MINK1: variants seen among roughly 807,000 people sequenced by gnomAD.
MINK1 encodes the protein misshapen-like kinase 1.
MINK1 carries 46 observed loss-of-function variants against 178.4 expected under a neutral mutation model. The ratio of observed to expected loss-of-function variants is 0.26; its 90% CI spans 0.20 to 0.33. The LOEUF (loss-of-function observed/expected upper bound fraction) is 0.33. Ranked by LOEUF, MINK1 falls within the 10% of genes least tolerant of loss-of-function variation. MINK1 has a pLI of 1.00. For missense variants in MINK1, 1,366 were observed against 1,814.9 expected, an observed-to-expected ratio of 0.75 and a Z score of 4.49; for synonymous variants, 797 against 709.7, an observed-to-expected ratio of 1.12 and a Z score of -1.96.
chr17:4,890,200 C>CCCCCCCCA, intron 13 of MINK1: 1 of 802,212 alleles, frequency 1.2e-6, no homozygotes, highest in Non-Finnish European at 1.7e-6. Flanking sequence ...CTCTGCCCCC[C>CCCCCCCCA]ACCCCACACC....
rs1013464350 is a variant in MINK1 at position 4,893,229 on chromosome 17, C to G, written c.2400+162C>G. 2.4e-5 allele frequency: 38 copies of G among 1,607,510 alleles called. No individual in the cohort carries two copies. The Admixed American group carries it at 4.0e-4, about 17-fold the overall frequency. The stretch of plus-strand genomic sequence containing the variant: ...GGTGCTAACCTTTCCTAACCTCTCT[C>G]CTAACCTCTCTCCTAACCTCTCTTC... On this transcript the variant is annotated intron_variant, in intron 20 of 31. Coordinates refer to ENST00000355280, the MANE Select transcript of MINK1 (RefSeq NM_153827.5).
chr17:4,865,905 C>T (rs1233010572), intron 1 of MINK1, among the ~76,000 whole-genome samples: 1 of 151,572 alleles, frequency 6.6e-6, no homozygotes, highest in Non-Finnish European at 1.5e-5. Flanking sequence ...AAAAAAGAAA[C>T]GATACATGGG....
At chr17:4,867,074 A>AAATAACAATAATAATAAT (rs1915100187) in intron 1 of MINK1, among the ~76,000 whole-genome samples, 1 of 119,966 alleles carries the variant, frequency 8.3e-6, no homozygotes, top group South Asian at 2.8e-4. Context: ...ACTCGTCTCA[A>AAATAACAATAATAATAAT]AATAATAATA....
chr17:4,880,465 T>A (rs1354957815), intron 2 of MINK1, among the ~76,000 whole-genome samples: 1 of 150,634 alleles, frequency 6.6e-6, no homozygotes, highest in East Asian at 2.0e-4. Flanking sequence ...TTTTGTATTT[T>A]TAGTGGAGAT....
Position 4,895,563 on chromosome 17 carries a change from G to C in MINK1, c.3229+70G>C. Reference sequence around the variant, plus strand: ...TGGCGCTGTCACCATCTTCTGCCTGGGAGGAGGGCAGGCACTGGAAGGTGG... The same window carrying C: ...TGGCGCTGTCACCATCTTCTGCCTGCGAGGAGGGCAGGCACTGGAAGGTGG... On this transcript the variant is annotated intron_variant, in intron 26 of 31. Transcript: ENST00000355280. The surrounding 1 kb of genome is among the most constrained non-coding windows in gnomAD (Gnocchi z 4.3). 6.5e-7 allele frequency: 1 copy of C among 1,549,776 alleles called. No individual in the cohort carries two copies. Among genetic ancestry groups the C allele is most frequent in the East Asian group, 2.3e-5 (1 of 44,010 alleles).
rs1339867933 is a variant in MINK1 at position 4,896,725 on chromosome 17, T to G, written c.3827T>G (p.Ile1276Ser). The change falls in exon 31 of 32, where the codon ATC (isoleucine) becomes AGC (serine). Residue 1276 changes from isoleucine (I) to serine (S), a missense_variant. Physicochemically the swap from Ile to Ser is moderately radical, Grantham distance 142. Transcript: ENST00000355280. This position sits in a 1 kb window ranked among gnomAD's most constrained non-coding sequence, Gnocchi z 4.6. ...IMGWGEKAIE[I>S]RSVETGHLDG... Reference sequence around the variant, plus strand: ...GGCTGGGGTGAGAAAGCCATTGAGATCCGCTCTGTGGAGACGGGCCACCTC... The same window carrying G: ...GGCTGGGGTGAGAAAGCCATTGAGAGCCGCTCTGTGGAGACGGGCCACCTC... The G allele has an allele frequency of 6.2e-7, 1 of 1,604,280 alleles. No homozygotes were observed. The highest frequency in any genetic ancestry group is 1.7e-5 in the Admixed American group (1 of 59,176).
At chr17:4,855,190 T>TAA (rs151257228) in intron 1 of MINK1, among the ~76,000 whole-genome samples, 56,439 of 129,800 alleles carry the variant, frequency 0.43, 13,894 homozygotes, top group Non-Finnish European at 0.58. Flanking sequence ...ACTCCTGTCT[T>TAA]AAAAAAAAAA....
chr17:4,841,377 G>A (rs188986706), intron 1 of MINK1, among the ~76,000 whole-genome samples: 254 of 152,192 alleles, frequency 1.7e-3, no homozygotes, highest in Non-Finnish European at 2.9e-3. Context: ...TTGGGTTGCC[G>A]AATTGCTCCT....
chr17:4,888,477 A>G (rs2151026053), intron 12 of MINK1, among the ~76,000 whole-genome samples: 1 of 151,606 alleles, frequency 6.6e-6, no homozygotes, highest in East Asian at 2.0e-4. Flanking sequence ...CTCTACTAAA[A>G]ATACACAAAT....
At chr17:4,849,322 C>T (rs1911553325) in intron 1 of MINK1, among the ~76,000 whole-genome samples, 1 of 152,184 alleles carries the variant, frequency 6.6e-6, no homozygotes, top group African/African-American at 2.4e-5. Context: ...AAGCATTCAG[C>T]CTGAGGGGAA....
chr17:4,893,171 G>A, intron 20 of MINK1, 104 bp downstream of exon 20: 1 of 1,519,096 alleles, frequency 6.6e-7, no homozygotes. Context: ...TACCGAGAAG[G>A]GCTGTGGGGA....
Position 4,897,563 on chromosome 17 carries a change from TC to T in MINK1, c.*282del. 1 of 393,794 alleles carries T rather than the reference TC, an allele frequency of 2.5e-6. No homozygotes were observed. 24.4% of individuals were successfully genotyped at this position (393,794 alleles called of 1,614,324 possible). ...CCAGGAATTGAGTGGGCCTAGCCCC[TC>T]CCCCCTTTTCTCCATTTGAGAGGAG... On this transcript the variant is annotated 3_prime_UTR_variant, in exon 32 of 32. Coordinates refer to ENST00000355280, the MANE Select transcript of MINK1 (RefSeq NM_153827.5).
Position 4,886,205 on chromosome 17 carries a change from C to T in MINK1, c.773+7C>T. On this transcript the variant is annotated splice_region_variant and intron_variant, in intron 9 of 31. Transcript: ENST00000355280. This position sits in a 1 kb window ranked among gnomAD's most constrained non-coding sequence, Gnocchi z 6.1. Reference sequence around the variant, plus strand: ...GGCTCAAGTCCAAGAAGTGGTAGGTCTCTGAGAGTGTGGGCTCTGGGAAGG... The same window carrying T: ...GGCTCAAGTCCAAGAAGTGGTAGGTTTCTGAGAGTGTGGGCTCTGGGAAGG... 3.7e-6 allele frequency: 6 copies of T among 1,613,646 alleles called. No individual in the cohort carries two copies. Among genetic ancestry groups the T allele is most frequent in the Non-Finnish European group, 5.1e-6 (6 of 1,179,542 alleles).
At chr17:4,865,911 A>G (rs981251285) in intron 1 of MINK1, among the ~76,000 whole-genome samples, 53 of 152,088 alleles carry the variant, frequency 3.5e-4, no homozygotes, top group Non-Finnish European at 6.2e-4. Flanking sequence ...GAAACGATAC[A>G]TGGGTTTGTG....
chr17:4,871,381 G>C (rs993245055), intron 1 of MINK1, among the ~76,000 whole-genome samples: 1 of 151,506 alleles, frequency 6.6e-6, no homozygotes, highest in Admixed American at 6.6e-5. Context: ...TTGTAGAGAT[G>C]TGGTCTTATT....
chr17:4,879,737 A>G (rs1009847709), intron 2 of MINK1, among the ~76,000 whole-genome samples: 1 of 152,222 alleles, frequency 6.6e-6, no homozygotes, highest in African/African-American at 2.4e-5. Flanking sequence ...ACACTCAAGA[A>G]GAGGAAGTTT....
chr17:4,857,775 T>A (rs943420859), intron 1 of MINK1, among the ~76,000 whole-genome samples: 3 of 152,016 alleles, frequency 2.0e-5, no homozygotes, highest in Admixed American at 1.3e-4. Flanking sequence ...GCCAAGATGC[T>A]CTTTCTTACC....
Position 4,836,978 on chromosome 17 carries a change from G to A in MINK1, c.57+3338G>A, listed in dbSNP as rs149214135. Among the ~76,000 whole-genome samples, 70 of 152,008 alleles carry A rather than the reference G, an allele frequency of 4.6e-4. 6 individuals are homozygous for A. In the East Asian group the frequency reaches 6.6e-3, roughly 14 times the overall value. ...GGATCACCTGAGAGGTCAGAAGTTC[G>A]AGACCAGCCTGGCCAACATGGTAAA... is the stretch of plus-strand genomic sequence containing the variant. On this transcript the variant is annotated intron_variant, in intron 1 of 31. Coordinates refer to ENST00000355280, the MANE Select transcript of MINK1 (RefSeq NM_153827.5). The surrounding 1 kb of genome is among the most constrained non-coding windows in gnomAD (Gnocchi z 4.3).
rs779959099 is a variant in MINK1 at position 4,897,265 on chromosome 17, G to A, written c.3977G>A (p.Arg1326His). The A allele has an allele frequency of 1.5e-5, 24 of 1,613,544 alleles. No individual in the cohort carries two copies. Among genetic ancestry groups the A allele is most frequent in the Non-Finnish European group, 1.9e-5 (22 of 1,179,714 alleles). Residue 1326 changes from arginine (R) to histidine (H), a missense_variant, in exon 32 of 32, where the codon CGT becomes CAT. By Grantham distance (29) the Arg-to-His change is conservative (BLOSUM62 0). Transcript: ENST00000355280. ...CAAGTTTACTTCATGACTCTGAACC[G>A]TAACTGCATCATGAACTGGTGACGG... ...SSQVYFMTLN[R>H]NCIMNW is the part of the protein sequence containing the mutation.
Sources: allele counts gnomAD v4.1 joint callset (sites outside exome capture counted in the v4.1 genomes callset), GRCh38; gene constraint gnomAD v4.1.1; non-coding constraint Gnocchi (gnomAD v3.1); transcripts MANE v1.5; gene names NCBI Gene and HGNC (gene_info 2026-07-23, HGNC 2026-07-21).